SAMD12: variants seen among roughly 807,000 people sequenced by gnomAD.
The protein encoded by SAMD12 is sterile alpha motif domain containing 12.
SAMD12 carries 9 observed loss-of-function variants against 15.0 expected under a neutral mutation model. The ratio of observed to expected loss-of-function variants is 0.60; its 90% CI spans 0.36 to 1.05. The LOEUF is 1.05. SAMD12 is among the 50% of genes least tolerant of loss of function. The probability of loss-of-function intolerance (pLI) is 0.01; values close to 1 mark genes in which losing one functional copy is unlikely to be tolerated. For missense variants in SAMD12, 230 were observed against 234.2 expected (o/e 0.98, Z 0.12); for synonymous variants, 86 against 90.1 (o/e 0.96, Z 0.25).
At chr8:118,279,584 T>C (rs1407536814) in intron 4 of SAMD12, among the ~76,000 whole-genome samples, 1 of 152,250 alleles carries the variant, frequency 6.6e-6, no homozygotes, top group East Asian at 1.9e-4. Flanking sequence ...ATTTGAATTA[T>C]GCTTTGAACT....
chr8:118,613,119 A>C (rs552007870), intron 1 of SAMD12, among the ~76,000 whole-genome samples: 73 of 152,222 alleles, frequency 4.8e-4, no homozygotes, highest in Non-Finnish European at 8.1e-4. Flanking sequence ...CTGTATCTTG[A>C]TGGTGGTAGT....
chr8:118,430,960 T>C (rs925665578), intron 3 of SAMD12, among the ~76,000 whole-genome samples: 1 of 152,224 alleles, frequency 6.6e-6, no homozygotes, highest in African/African-American at 2.4e-5. Context: ...CTTGTTTCTC[T>C]CTTTTTTCTT....
At chr8:118,487,377 G>T (rs1429809247) in intron 2 of SAMD12, among the ~76,000 whole-genome samples, 1 of 152,210 alleles carries the variant, frequency 6.6e-6, no homozygotes, top group African/African-American at 2.4e-5. Flanking sequence ...CCAGGACCAG[G>T]AGGGGCTGGA....
At chr8:118,469,823 A>C (rs1447964389) in intron 2 of SAMD12, among the ~76,000 whole-genome samples, 1 of 151,556 alleles carries the variant, frequency 6.6e-6, no homozygotes, top group Non-Finnish European at 1.5e-5. Context: ...TCAGCCTCCC[A>C]AAGTGCTGGG....
chr8:118,211,222 C>A (rs1811815566), intron 4 of SAMD12, among the ~76,000 whole-genome samples: 1 of 152,150 alleles, frequency 6.6e-6, no homozygotes, highest in South Asian at 2.1e-4. Flanking sequence ...CATCTTTGCA[C>A]AACTCCCAAA....
rs572403915 is a variant in SAMD12, at chr8:118,261,984, A to G, written c.434-64252T>C. Among the ~76,000 whole-genome samples, 3 of 152,180 alleles carry G rather than the reference A, an allele frequency of 2.0e-5. No homozygotes were observed. The East Asian group carries it at 5.8e-4, about 29-fold the overall frequency. ...AAATGTGGTATATATACATAATAGA[A>G]TACTATTCAGCCTTAAAATAATGCA... On this transcript the variant is annotated intron_variant, in intron 4 of 4. Transcript: ENST00000409003.
At chr8:118,182,781 CA>C in the SAMD12 span, among the ~76,000 whole-genome samples, 2 of 152,076 alleles carry the variant, frequency 1.3e-5, no homozygotes, top group Non-Finnish European at 2.9e-5. Context: ...AGAGCGACAG[CA>C]CAAAAAGACA....
intron 2 of SAMD12, among the ~76,000 whole-genome samples, chr8:118,568,503 C>T (rs950688836): frequency 6.6e-6 from 1 of 152,098 alleles, no homozygotes; most frequent in Non-Finnish European, 1.5e-5. Context: ...TTAACAAGAT[C>T]ATTCTGGTTG....
rs1489935762 is a variant in SAMD12 at position 118,379,648 on chromosome 8, G to A, written c.375C>T (p.Ala125=). 2.1e-5 allele frequency: 34 copies of A among 1,613,844 alleles called. No homozygotes were observed. The highest frequency in any genetic ancestry group is 2.9e-5 in the Non-Finnish European group (34 of 1,179,832). ...TDKKLERMGI[A]QENLRQHILQ... ...AGATGTGCTGCCGGAGGTTCTCCTGGGCAATCCCCATTCGCTCGAGCTTTT... is the reference window on the plus strand; with the variant it reads ...AGATGTGCTGCCGGAGGTTCTCCTGAGCAATCCCCATTCGCTCGAGCTTTT... The change falls in exon 4 of 4, where the codon GCC becomes GCT. Residue 125 remains alanine, a synonymous_variant. Coordinates refer to ENST00000314727, the MANE Select transcript of SAMD12 (RefSeq NM_207506.3).
At chr8:118,486,939 C>G (rs1824307655) in intron 2 of SAMD12, among the ~76,000 whole-genome samples, 1 of 152,152 alleles carries the variant, frequency 6.6e-6, no homozygotes, top group African/African-American at 2.4e-5. Context: ...CTGTCAAACC[C>G]CAGCCCAATA....
chr8:118,173,832 G>A, the SAMD12 span, among the ~76,000 whole-genome samples: 1 of 151,932 alleles, frequency 6.6e-6, no homozygotes, highest in Non-Finnish European at 1.5e-5. Context: ...GTTTCACCAT[G>A]TTGGCCAGGC....
At chr8:118,592,765 C>G (rs963942196) in intron 1 of SAMD12, among the ~76,000 whole-genome samples, 1 of 152,060 alleles carries the variant, frequency 6.6e-6, no homozygotes, top group African/African-American at 2.4e-5. Flanking sequence ...CTAACAGAAA[C>G]AGGTGATTAG....
At chr8:118,278,605 T>G (rs1259169391) in intron 4 of SAMD12, among the ~76,000 whole-genome samples, 1 of 152,200 alleles carries the variant, frequency 6.6e-6, no homozygotes, top group Non-Finnish European at 1.5e-5. Flanking sequence ...TATTTGCTGC[T>G]GTTAAGTGCT....
intron 4 of SAMD12, among the ~76,000 whole-genome samples, chr8:118,354,247 C>T (rs781670552): frequency 3.3e-5 from 5 of 152,198 alleles, no homozygotes; most frequent in Non-Finnish European, 7.3e-5. Flanking sequence ...TATGCAACCA[C>T]TATTCCAAAT....
At chr8:118,382,445 C>A (rs544577845) in intron 3 of SAMD12, among the ~76,000 whole-genome samples, 1 of 152,316 alleles carries the variant, frequency 6.6e-6, no homozygotes, top group African/African-American at 2.4e-5. Flanking sequence ...GTAGCCCCAG[C>A]CTTTCCAAAA....
intron 2 of SAMD12, among the ~76,000 whole-genome samples, chr8:118,475,218 GAC>G (rs1353241782): frequency 6.6e-6 from 1 of 152,130 alleles, no homozygotes; most frequent in East Asian, 1.9e-4. Flanking sequence ...CAGCCTGGGT[GAC>G]AGAGTGAGAC....
intron 1 of SAMD12, among the ~76,000 whole-genome samples, chr8:118,607,215 C>T (rs1828006007): frequency 6.6e-6 from 1 of 151,666 alleles, no homozygotes; most frequent in East Asian, 1.9e-4. Flanking sequence ...TGATAAAGTC[C>T]TGATCCAGTA....
intron 4 of SAMD12, among the ~76,000 whole-genome samples, chr8:118,320,995 T>C (rs1177538371): frequency 6.8e-6 from 1 of 148,144 alleles, no homozygotes; most frequent in Admixed American, 6.7e-5. Flanking sequence ...TGTGACCTGG[T>C]GACAAAGTCA....
intron 3 of SAMD12, among the ~76,000 whole-genome samples, chr8:118,388,148 G>A (rs897901905): frequency 1.3e-5 from 2 of 152,196 alleles, no homozygotes; most frequent in Admixed American, 1.3e-4. Context: ...AACAGCATAG[G>A]CAAAGATGGA....
Sources: gnomAD v4.1 joint callset for allele counts (sites outside exome capture counted in the v4.1 genomes callset) on GRCh38, gnomAD v4.1.1 for gene constraint, MANE v1.5 for transcripts, NCBI Gene and HGNC (gene_info 2026-07-23, HGNC 2026-07-21) for gene names.